The following NKAIN2 variants were observed in gnomAD, a reference collection of about 807,000 sequenced individuals.
NKAIN2 encodes sodium/potassium-transporting ATPase subunit beta-1-interacting protein 2.
Under a neutral mutation model 32.6 loss-of-function variants are expected in NKAIN2, and 14 were observed. The observed-to-expected ratio is 0.43, with a 90% CI of 0.28 to 0.67. The LOEUF is 0.67. NKAIN2 is among the 30% of genes least tolerant of loss of function. The probability of loss-of-function intolerance (pLI) is 0.17; values close to 1 mark genes in which losing one functional copy is unlikely to be tolerated. For missense variants in NKAIN2, 198 were observed against 258.3 expected (o/e 0.77, Z 1.60); for synonymous variants, 80 against 87.2 (o/e 0.92, Z 0.46).
At chr6:124,141,156 A>G (rs929677603) in intron 1 of NKAIN2, among the ~76,000 whole-genome samples, 2 of 152,196 alleles carry the variant, frequency 1.3e-5, no homozygotes, top group African/African-American at 4.8e-5. Flanking sequence ...AGATAGTGGA[A>G]GCAATTGTGC....
chr6:123,827,070 G>A (rs1774177610), intron 1 of NKAIN2, among the ~76,000 whole-genome samples: 1 of 152,062 alleles, frequency 6.6e-6, no homozygotes, highest in African/African-American at 2.4e-5. Context: ...TTGTGGTTCT[G>A]ATTTCCATTT....
At chr6:124,090,960 A>G (rs1784391375) in intron 1 of NKAIN2, among the ~76,000 whole-genome samples, 1 of 151,994 alleles carries the variant, frequency 6.6e-6, no homozygotes, top group Non-Finnish European at 1.5e-5. Flanking sequence ...TTATCAGATA[A>G]ACATTTTTAA....
chr6:123,953,293 G>C (rs1160284478), intron 1 of NKAIN2, among the ~76,000 whole-genome samples: 3 of 152,120 alleles, frequency 2.0e-5, no homozygotes, highest in Non-Finnish European at 4.4e-5. Context: ...CTTCTCCTTA[G>C]GCCCCAGGGT....
At chr6:124,681,166 TCAATCATTG>T (rs2114504344) in intron 4 of NKAIN2, among the ~76,000 whole-genome samples, 1 of 152,116 alleles carries the variant, frequency 6.6e-6, no homozygotes, top group East Asian at 1.9e-4. Flanking sequence ...TCTTCCCATA[TCAATCATTG>T]TATTGACTCT....
chr6:124,525,443 A>G (rs895930091), intron 3 of NKAIN2, among the ~76,000 whole-genome samples: 1 of 152,160 alleles, frequency 6.6e-6, no homozygotes, highest in Non-Finnish European at 1.5e-5. Context: ...GAATCTAGCT[A>G]GAATGTGAAA....
chr6:124,768,094 CAG>C (rs1402737266), intron 4 of NKAIN2, among the ~76,000 whole-genome samples: 1 of 152,078 alleles, frequency 6.6e-6, no homozygotes, highest in African/African-American at 2.4e-5. Context: ...GTAAAATCAA[CAG>C]AGTGTTTACA....
chr6:124,171,707 C>T (rs1206986545), intron 1 of NKAIN2, among the ~76,000 whole-genome samples: 1 of 151,842 alleles, frequency 6.6e-6, no homozygotes, highest in Admixed American at 6.6e-5. Flanking sequence ...CATGCTGCCA[C>T]GCCCGGCTAA....
chr6:124,001,884 A>G (rs1449479606), intron 1 of NKAIN2, among the ~76,000 whole-genome samples: 1 of 150,214 alleles, frequency 6.7e-6, no homozygotes, highest in African/African-American at 2.4e-5. Context: ...AAGGAGGAAC[A>G]TTATTTGCCA....
chr6:124,057,256 C>A (rs1200163688), intron 1 of NKAIN2, among the ~76,000 whole-genome samples: 1 of 152,032 alleles, frequency 6.6e-6, no homozygotes, highest in African/African-American at 2.4e-5. Context: ...TAATGTGAAC[C>A]AAACAGGTTG....
intron 4 of NKAIN2, among the ~76,000 whole-genome samples, chr6:124,775,472 A>G (rs1029949601): frequency 1.3e-5 from 2 of 152,212 alleles, no homozygotes; most frequent in African/African-American, 4.8e-5. Flanking sequence ...AGTCATCTCC[A>G]AGTAGTATAT....
chr6:124,452,348 A>G (rs1776144602), intron 3 of NKAIN2, among the ~76,000 whole-genome samples: 1 of 152,078 alleles, frequency 6.6e-6, no homozygotes, highest in African/African-American at 2.4e-5. Context: ...AGCCCACCCC[A>G]TGGCTATGTA....
At chr6:124,642,978 A>C (rs937458520) in intron 3 of NKAIN2, among the ~76,000 whole-genome samples, 2 of 152,144 alleles carry the variant, frequency 1.3e-5, no homozygotes, top group African/African-American at 4.8e-5. Flanking sequence ...GGGTATAATT[A>C]AGGTCAAGCA....
chr6:124,651,654 T>A (rs983689112), intron 3 of NKAIN2, among the ~76,000 whole-genome samples: 1 of 152,072 alleles, frequency 6.6e-6, no homozygotes, highest in African/African-American at 2.4e-5. Flanking sequence ...GCTTCTTGAA[T>A]GTGGGGAACA....
At chr6:124,678,258 T>A (rs1032521597) in intron 4 of NKAIN2, among the ~76,000 whole-genome samples, 1 of 152,168 alleles carries the variant, frequency 6.6e-6, no homozygotes, top group Non-Finnish European at 1.5e-5. Context: ...CTTACCTAGA[T>A]TTAGGGAGTT....
At chr6:124,276,293 AACACACACACACACAC>A (rs149321217) in intron 1 of NKAIN2, among the ~76,000 whole-genome samples, 1 of 145,850 alleles carries the variant, frequency 6.9e-6, no homozygotes, top group Non-Finnish European at 1.5e-5. Context: ...CCCCTTGGTG[AACACACACACACACAC>A]ACACACACAC....
chr6:124,679,554 A>C (rs539589907), intron 4 of NKAIN2, among the ~76,000 whole-genome samples: 6 of 152,136 alleles, frequency 3.9e-5, no homozygotes, highest in Non-Finnish European at 8.8e-5. Flanking sequence ...CTAGTTTTGC[A>C]ATCACCTGGG....
Position 124,209,395 on chromosome 6 carries a change from AG to A in NKAIN2, c.55-73609del, listed in dbSNP as rs1791057813. Among the ~76,000 whole-genome samples the A allele has an allele frequency of 5.3e-5, 8 of 151,998 alleles. 1 individual carries two copies. The South Asian group carries it at 1.2e-3, about 24-fold the overall frequency. Reference sequence around the variant, plus strand: ...ACTTAAATTGATTCCTATTGTGAATAGTGCTGCAATACATATGGGAGTGCAG... The same window carrying A: ...ACTTAAATTGATTCCTATTGTGAATATGCTGCAATACATATGGGAGTGCAG... On this transcript the variant is annotated intron_variant, in intron 1 of 6. Coordinates refer to ENST00000368417, the MANE Select transcript of NKAIN2 (RefSeq NM_001040214.3).
At chr6:123,829,577 A>C (rs946521264) in intron 1 of NKAIN2, among the ~76,000 whole-genome samples, 5 of 152,128 alleles carry the variant, frequency 3.3e-5, no homozygotes, top group African/African-American at 9.7e-5. Context: ...TAGACTGCTT[A>C]TGCTTCCTGG....
At chr6:123,930,024 T>C (rs777371503) in intron 1 of NKAIN2, among the ~76,000 whole-genome samples, 17 of 152,092 alleles carry the variant, frequency 1.1e-4, no homozygotes, top group Non-Finnish European at 2.2e-4. Context: ...ATGAAACATT[T>C]AAAACCAAGA....
Sources: allele counts gnomAD v4.1 joint callset (sites outside exome capture counted in the v4.1 genomes callset), GRCh38; gene constraint gnomAD v4.1.1; transcripts MANE v1.5; gene names NCBI Gene and HGNC (gene_info 2026-07-23, HGNC 2026-07-21).